Variants in ADRB3 observed in about 807,000 individuals in gnomAD.
The protein encoded by ADRB3 is adrenoceptor beta 3, also known as beta-3 adrenergic receptor.
In ADRB3, 33 loss-of-function variants were observed where a neutral mutation model predicts 23.8. That is an observed-to-expected ratio of 1.38 (90% confidence interval 1.05 to 1.85). The LOEUF (loss-of-function observed/expected upper bound fraction) is 1.85. ADRB3 is among the 40% of genes most tolerant of loss of function. The pLI, the probability that ADRB3 is intolerant of heterozygous loss-of-function variation, is 0.00. For missense variants in ADRB3, 600 were observed against 579.6 expected (o/e 1.04, Z -0.36); for synonymous variants, 289 against 273.0 (o/e 1.06, Z -0.58).
intron 1 of ADRB3, chr8:37,964,944 TAAAA>T: frequency 4.1e-6 from 1 of 242,950 alleles, no homozygotes; most frequent in Non-Finnish European, 7.6e-6. Context: ...TGTCTCTATT[TAAAA>T]AAAAAAAAAA....
At position 37,966,416 on chromosome 8, in the gene ADRB3, G is replaced by A; in HGVS notation, c.54C>T (p.Pro18=). Residue 18 remains proline, a synonymous_variant, in exon 1 of 2, where the codon CCC becomes CCT. Coordinates refer to ENST00000345060, the MANE Select transcript of ADRB3 (RefSeq NM_000025.3). ...TGTTGGCGGTATTGGGCGCCAGGGT[G>A]GGGAGGTCCGGCCATGGGGCAAGAG... ...NSSLAPWPDL[P]TLAPNTANTS... 6.2e-7 allele frequency: 1 copy of A among 1,607,800 alleles called. No individual in the cohort carries two copies. Among genetic ancestry groups the A allele is most frequent in the Middle Eastern group, 1.7e-4 (1 of 6,054 alleles).
rs1808230853 is a variant in ADRB3 at position 37,963,122 on chromosome 8, C to T, written c.*1096G>A. ...TATATTTATGACACAAGACATTTGA[C>T]CAACCCAAGCAATGCTTTGTGCCTG... On this transcript the variant is annotated 3_prime_UTR_variant, in exon 2 of 2. Coordinates refer to ENST00000345060, the MANE Select transcript of ADRB3 (RefSeq NM_000025.3). 1.3e-5 allele frequency: 2 copies of T among 152,026 alleles called. No individual in the cohort carries two copies. Among genetic ancestry groups the T allele is most frequent in the Admixed American group, 1.3e-4 (2 of 15,220 alleles). 9.4% of individuals were successfully genotyped at this position (152,026 alleles called of 1,614,324 possible).
In ADRB3 at chr8:37,965,619, G is replaced by A. The variant is rs1415112705; in HGVS notation, c.851C>T (p.Pro284Leu). Residue 284 changes from proline (P) to leucine (L), a missense_variant, in exon 1 of 2, where the codon CCT becomes CTT. Pro to Leu is a moderately conservative substitution (Grantham distance 98). Coordinates refer to ENST00000345060, the MANE Select transcript of ADRB3 (RefSeq NM_000025.3). ...GCACAGGGCCCGGTGTTCCCGGAGA[G>A]GCAGGAGGCGCGCGGGCCGCCGGCC... ...ACGRRPARLL[P>L]LREHRALCTL... is the part of the protein sequence containing the mutation. 1.3e-6 allele frequency: 2 copies of A among 1,536,220 alleles called. No individual in the cohort carries two copies. The highest frequency in any genetic ancestry group is 2.4e-5 in the South Asian group (2 of 82,440).
At position 37,965,246 on chromosome 8, in the gene ADRB3, C is replaced by A; in HGVS notation, c.1205+19G>T. On this transcript the variant is annotated intron_variant, in intron 1 of 1. Coordinates refer to ENST00000345060, the MANE Select transcript of ADRB3 (RefSeq NM_000025.3). ...CTTCCCGACCCTGAGCCGCCGGTCC[C>A]TCTGCCCCGGTTACCTACCCGTCGA... 1 of 1,499,290 alleles carries A rather than the reference C, an allele frequency of 6.7e-7. No individual in the cohort carries two copies. Among genetic ancestry groups the A allele is most frequent in the East Asian group, 2.4e-5 (1 of 41,244 alleles). The allele number at this position is 1,499,290 out of a possible 1,614,324, so 92.9% of individuals were successfully genotyped here.
At chr8:37,964,497 C>G (rs1808258744) in intron 1 of ADRB3, among the ~76,000 whole-genome samples, 1 of 127,736 alleles carries the variant, frequency 7.8e-6, no homozygotes, top group Admixed American at 1.0e-4. Context: ...CCACAGCTGT[C>G]AAACCTTTGA....
chr8:37,965,978 C>T lies in ADRB3; in HGVS notation c.492G>A (p.Val164=). The change falls in exon 1 of 2, where the codon GTG becomes GTA. Residue 164 remains valine (V), a synonymous_variant. Transcript: ENST00000345060. ...TGGGCGCAAACGACACCGCGGCCGA[C>T]ACGACCCACACCAGGACCACAGCTG... ...ARTAVVLVWV[V]SAAVSFAPIM... The T allele has an allele frequency of 6.4e-7, 1 of 1,568,696 alleles. No homozygotes were observed. The highest frequency in any genetic ancestry group is 2.4e-5 in the East Asian group (1 of 42,274).
Position 37,965,659 on chromosome 8 carries a change from C to G in ADRB3, c.811G>C (p.Gly271Arg), listed in dbSNP as rs992282105. Residue 271 changes from glycine to arginine, a missense_variant, in exon 1 of 2, where the codon GGG becomes CGG. Transcript: ENST00000345060. ...APVGTCAPPEGVPACGRRPAR... is the reference protein window; with the variant it reads ...APVGTCAPPERVPACGRRPAR... ...GGCCGCCGGCCGCAGGCGGGCACCCCTTCGGGCGGAGCGCACGTCCCCACC... is the reference window on the plus strand; with the variant it reads ...GGCCGCCGGCCGCAGGCGGGCACCCGTTCGGGCGGAGCGCACGTCCCCACC... The G allele has an allele frequency of 2.0e-6, 3 of 1,538,416 alleles. No homozygotes were observed. The highest frequency in any genetic ancestry group is 2.6e-6 in the Non-Finnish European group (3 of 1,142,392).
At position 37,966,073 on chromosome 8, in the gene ADRB3, C is replaced by T. The variant is rs1013764155; in HGVS notation, c.397G>A (p.Val133Met). ...TTGGTCACAGCCAGGTAGCGGTCCA[C>T]GGCCAGGGCGCACAGGGTTTCGATG... ...ASIETLCALA[V>M]DRYLAVTNPL... Residue 133 changes from valine (V) to methionine (M), a missense_variant, in exon 1 of 2, where the codon GTG becomes ATG. Coordinates refer to ENST00000345060, the MANE Select transcript of ADRB3 (RefSeq NM_000025.3). 2.5e-6 allele frequency: 4 copies of T among 1,606,040 alleles called. No homozygotes were observed. Among genetic ancestry groups the T allele is most frequent in the African/African-American group, 2.7e-5 (2 of 74,828 alleles).
In ADRB3 at chr8:37,966,432, G is replaced by T. The variant is rs1368869243; in HGVS notation, c.38C>A (p.Pro13Gln). ...PWPHENSSLA[P>Q]WPDLPTLAPN... ...CGCCAGGGTGGGGAGGTCCGGCCATGGGGCAAGAGAGCTGTTCTCGTGAGG... is the reference window on the plus strand; with the variant it reads ...CGCCAGGGTGGGGAGGTCCGGCCATTGGGCAAGAGAGCTGTTCTCGTGAGG... The change falls in exon 1 of 2, where the codon CCA (proline) becomes CAA (glutamine). Residue 13 changes from proline to glutamine, a missense_variant. Transcript: ENST00000345060. 2 of 1,605,930 alleles carry T rather than the reference G, an allele frequency of 1.2e-6. No individual in the cohort carries two copies. Among genetic ancestry groups the T allele is most frequent in the Admixed American group, 1.7e-5 (1 of 59,196 alleles).
chr8:37,965,958 G>GCAAACGACACCGCGGC lies in ADRB3; in HGVS notation c.496_511dup (p.Ala171GlyfsTer255). The GCAAACGACACCGCGGC allele has an allele frequency of 1.9e-6, 3 of 1,560,310 alleles. No individual in the cohort carries two copies. The highest frequency in any genetic ancestry group is 2.6e-6 in the Non-Finnish European group (3 of 1,152,088). Reference sequence around the variant, plus strand: ...GCGCCACCACTGGCTCATGATGGGCGCAAACGACACCGCGGCCGACACGAC... The same window carrying GCAAACGACACCGCGGC: ...GCGCCACCACTGGCTCATGATGGGCGCAAACGACACCGCGGCCAAACGACACCGCGGCCGACACGAC... On this transcript the variant is annotated frameshift_variant, in exon 1 of 2. Transcript: ENST00000345060. LOFTEE classifies it high-confidence loss of function.
Position 37,965,349 on chromosome 8 carries a change from G to C in ADRB3, c.1121C>G (p.Ala374Gly). The change falls in exon 1 of 2, where the codon GCC becomes GGC. Residue 374 changes from alanine to glycine, a missense_variant. Transcript: ENST00000345060. ...CGAGGGGAAGAGGGCCGGGCGGGCGGCGGCGCAGGGCTCCGGAGGCAGGCG... is the reference window on the plus strand; with the variant it reads ...CGAGGGGAAGAGGGCCGGGCGGGCGCCGGCGCAGGGCTCCGGAGGCAGGCG... ...GRRLPPEPCAAARPALFPSGV... is the reference protein window; with the variant it reads ...GRRLPPEPCAGARPALFPSGV... 6.5e-7 allele frequency: 1 copy of C among 1,542,884 alleles called. No homozygotes were observed. Among genetic ancestry groups the C allele is most frequent in the Non-Finnish European group, 8.7e-7 (1 of 1,144,726 alleles).
At chr8:37,964,427 T>C (rs1194214703) in intron 1 of ADRB3, among the ~76,000 whole-genome samples, 188 bp from the exon 2 acceptor site, 1 of 151,546 alleles carries the variant, frequency 6.6e-6, no homozygotes, top group African/African-American at 2.4e-5. Flanking sequence ...AGGGCACACA[T>C]CTGCACTCAC....
In ADRB3 at chr8:37,963,917, C is replaced by G. The variant is rs1374696445; in HGVS notation, c.*301G>C. ...CCTAAGCACTCACTGACTGCACAGG[C>G]AAGCCGGGTGATGGGTGCCCCTACC... On this transcript the variant is annotated 3_prime_UTR_variant, in exon 2 of 2. Transcript: ENST00000345060. The G allele has an allele frequency of 2.6e-6, 1 of 377,694 alleles. No homozygotes were observed. The highest frequency in any genetic ancestry group is 4.2e-5 in the Admixed American group (1 of 23,630). 23.4% of individuals were successfully genotyped at this position (377,694 alleles called of 1,614,324 possible).
Position 37,966,439 on chromosome 8 carries a change from G to T in ADRB3, c.31C>A (p.Leu11Ile). MAPWPHENSS[L>I]APWPDLPTLA... ...GTGGGGAGGTCCGGCCATGGGGCAA[G>T]AGAGCTGTTCTCGTGAGGCCACGGA... Residue 11 changes from leucine (L) to isoleucine (I), a missense_variant, in exon 1 of 2, where the codon CTT (leucine) becomes ATT (isoleucine). Transcript: ENST00000345060. The T allele has an allele frequency of 1.2e-6, 2 of 1,604,948 alleles. No individual in the cohort carries two copies. The highest frequency in any genetic ancestry group is 8.5e-7 in the Non-Finnish European group (1 of 1,177,642).
In ADRB3 at chr8:37,965,501, G is replaced by A. The variant is rs916625615; in HGVS notation, c.969C>T (p.Val323=). Residue 323 remains valine, a synonymous_variant, in exon 1 of 2, where the codon GTC becomes GTT. Transcript: ENST00000345060. ...TCAGGGCAAGGAAAGCCGGGCCCGGGACTAGAGAGGGGCCCCCCAGGGCGC... is the reference window on the plus strand; with the variant it reads ...TCAGGGCAAGGAAAGCCGGGCCCGGAACTAGAGAGGGGCCCCCCAGGGCGC... The part of the protein sequence containing the change: ...VLRALGGPSL[V]PGPAFLALNW... The A allele has an allele frequency of 1.3e-6, 2 of 1,551,944 alleles. No homozygotes were observed. The highest frequency in any genetic ancestry group is 2.7e-5 in the African/African-American group (2 of 73,152).
intron 1 of ADRB3, 138 bp downstream of exon 1, chr8:37,965,127 T>C: frequency 1.1e-6 from 1 of 924,318 alleles, no homozygotes; most frequent in South Asian, 2.2e-5. Flanking sequence ...TTTGGTTCGC[T>C]ACTCCTCGTT....
chr8:37,966,422 G>A lies in ADRB3; in HGVS notation c.48C>T (p.Asp16=), dbSNP rs367948517. ...HENSSLAPWP[D]LPTLAPNTAN... is the part of the protein sequence containing the mutation. ...CGGTATTGGGCGCCAGGGTGGGGAG[G>A]TCCGGCCATGGGGCAAGAGAGCTGT... Residue 16 remains aspartate, a synonymous_variant, in exon 1 of 2, where the codon GAC becomes GAT. Coordinates refer to ENST00000345060, the MANE Select transcript of ADRB3 (RefSeq NM_000025.3). 1.1e-5 allele frequency: 18 copies of A among 1,607,278 alleles called. No individual in the cohort carries two copies. In the African/African-American group the frequency reaches 2.3e-4, roughly 20 times the overall value.
Position 37,966,140 on chromosome 8 carries a change from G to T in ADRB3, c.330C>A (p.Cys110Ter), listed in dbSNP as rs1563398115. ...TGHWPLGATGCELWTSVDVLC... is the reference protein window; with the variant it reads ...TGHWPLGATG ...GCACGTCCACCGAGGTCCACAGCTC[G>T]CAGCCAGTGGCGCCCAACGGCCAGT... The change falls in exon 1 of 2, where the codon TGC becomes TGA. Residue 110 changes from cysteine (C) to a stop codon, truncating the protein, a stop_gained. Coordinates refer to ENST00000345060, the MANE Select transcript of ADRB3 (RefSeq NM_000025.3). LOFTEE classifies it high-confidence loss of function. The T allele has an allele frequency of 1.2e-6, 2 of 1,610,468 alleles. No individual in the cohort carries two copies. Among genetic ancestry groups the T allele is most frequent in the South Asian group, 1.1e-5 (1 of 90,660 alleles).
rs200535942 is a variant in ADRB3 at position 37,964,237 on chromosome 8, G to A, written c.1208C>T (p.Ala403Val). Residue 403 changes from alanine to valine, a missense_variant and splice_region_variant, in exon 2 of 2, where the codon GCT becomes GTT. Ala to Val is a moderately conservative substitution (Grantham distance 64). Coordinates refer to ENST00000345060, the MANE Select transcript of ADRB3 (RefSeq NM_000025.3). ...TCAGGCCTAAGAAACTCCCCAAGAA[G>A]CCCTGGGAAAAAAAGTGGAGATAAT... ...QPRLCQRLDG[A>V]SWGVS The A allele has an allele frequency of 1.9e-6, 3 of 1,613,102 alleles. No individual in the cohort carries two copies. The Admixed American group carries it at 5.0e-5, about 27-fold the overall frequency.
Sources: gnomAD v4.1 joint callset for allele counts (sites outside exome capture counted in the v4.1 genomes callset) on GRCh38, gnomAD v4.1.1 for gene constraint, MANE v1.5 for transcripts, NCBI Gene and HGNC (gene_info 2026-07-23, HGNC 2026-07-21) for gene names.